OSBPL1A: variants seen among roughly 807,000 people sequenced by gnomAD.
OSBPL1A encodes the protein oxysterol-binding protein-related protein 1.
A neutral mutation model predicts 137.1 loss-of-function variants in OSBPL1A; 80 were observed. That is an observed-to-expected ratio of 0.58 (90% CI 0.49 to 0.70). The LOEUF is 0.70. Among genes scored for constraint, OSBPL1A ranks in the 30% least tolerant of loss-of-function variants. The pLI is 0.00. For missense variants in OSBPL1A, 970 were observed against 1,129.4 expected (o/e 0.86, Z 2.02); for synonymous variants, 365 against 389.7 (o/e 0.94, Z 0.75).
intron 15 of OSBPL1A, among the ~76,000 whole-genome samples, chr18:24,260,008 C>T (rs972467668): frequency 2.6e-5 from 4 of 151,990 alleles, no homozygotes; most frequent in African/African-American, 7.2e-5. Flanking sequence ...ACAAACAATC[C>T]AATTAAAAAA....
chr18:24,258,085 TA>T (rs2089335359), intron 15 of OSBPL1A, among the ~76,000 whole-genome samples: 1 of 152,028 alleles, frequency 6.6e-6, no homozygotes, highest in Non-Finnish European at 1.5e-5. Flanking sequence ...AACATAAAGC[TA>T]CCCCATACGA....
At chr18:24,346,547 T>A (rs1423793539) in intron 4 of OSBPL1A, among the ~76,000 whole-genome samples, 2 of 152,208 alleles carry the variant, frequency 1.3e-5, no homozygotes, top group Non-Finnish European at 2.9e-5. Context: ...TGGACATTTC[T>A]ATAAATAAAT....
At chr18:24,354,870 C>T (rs1417645481) in intron 4 of OSBPL1A, among the ~76,000 whole-genome samples, 1 of 150,738 alleles carries the variant, frequency 6.6e-6, no homozygotes, top group East Asian at 2.0e-4. Context: ...GTTTCCTTAA[C>T]TCTGCAGGTC....
rs374013952 is a variant in OSBPL1A at position 24,165,140 on chromosome 18, T to C, written c.2675A>G (p.Glu892Gly). 5 of 1,614,058 alleles carry C rather than the reference T, an allele frequency of 3.1e-6. No homozygotes were observed. The African/African-American group carries it at 4.0e-5, about 13-fold the overall frequency. The change falls in exon 27 of 28, where the codon GAA becomes GGA. Residue 892 changes from glutamate (E) to glycine (G), a missense_variant. By Grantham distance (98) the Glu-to-Gly change is moderately conservative. This residue lies in a region of OSBPL1A where 323 missense variants were observed against 456.8 expected (regional missense o/e 0.71). Transcript: ENST00000319481. ...ENGEIDQASEEKKRLEEKQRA... is the reference protein window; with the variant it reads ...ENGEIDQASEGKKRLEEKQRA... ...TTGTTTTTCCTCAAGTCGTTTTTTTTCTTCACTAGCTTGATCTAAAATAAG... is the reference window on the plus strand; with the variant it reads ...TTGTTTTTCCTCAAGTCGTTTTTTTCCTTCACTAGCTTGATCTAAAATAAG...
chr18:24,366,293 C>G (rs1441599480), intron 4 of OSBPL1A: 1 of 152,128 alleles, frequency 6.6e-6, no homozygotes, highest in African/African-American at 2.4e-5. Flanking sequence ...CTCCTAGAAC[C>G]CTGTCCTTTC....
At chr18:24,293,417 GTC>G (rs2090224754) in intron 14 of OSBPL1A, among the ~76,000 whole-genome samples, 1 of 152,144 alleles carries the variant, frequency 6.6e-6, no homozygotes, top group African/African-American at 2.4e-5. Context: ...CCCTCCGCAG[GTC>G]TCCCGACAGA....
chr18:24,234,453 T>C (rs963574304), intron 16 of OSBPL1A, among the ~76,000 whole-genome samples: 4 of 152,202 alleles, frequency 2.6e-5, no homozygotes, highest in Non-Finnish European at 5.9e-5. Flanking sequence ...AAAAAATCTG[T>C]GTGCTTTATG....
intron 4 of OSBPL1A, among the ~76,000 whole-genome samples, chr18:24,346,908 A>AT (rs111588736): frequency 0.62 from 86,510 of 140,486 alleles, 26,362 homozygotes; most frequent in East Asian, 0.83. Flanking sequence ...GTGCCTAGCT[A>AT]TTTTTTTTTT....
intron 15 of OSBPL1A, among the ~76,000 whole-genome samples, chr18:24,248,266 T>C (rs1323021636): frequency 6.6e-6 from 1 of 152,214 alleles, no homozygotes; most frequent in Non-Finnish European, 1.5e-5. Context: ...GGTGATGAAG[T>C]AAGAAGCCTC....
intron 5 of OSBPL1A, among the ~76,000 whole-genome samples, chr18:24,340,440 G>A (rs1384447642): frequency 2.6e-5 from 4 of 152,084 alleles, no homozygotes; most frequent in East Asian, 1.9e-4. Flanking sequence ...TTGGGAGGCC[G>A]AGATGGGAGG....
At chr18:24,391,621 T>TG (rs1466163402) in intron 1 of OSBPL1A, among the ~76,000 whole-genome samples, 1 of 150,972 alleles carries the variant, frequency 6.6e-6, no homozygotes, top group African/African-American at 2.4e-5. Context: ...TCCAGCTACT[T>TG]GGGAGGCTGA....
At chr18:24,260,837 C>CAAAAAAAAAAAAAAAAAAA (rs71373370) in intron 15 of OSBPL1A, among the ~76,000 whole-genome samples, 1 of 120,456 alleles carries the variant, frequency 8.3e-6, no homozygotes, top group Non-Finnish European at 1.7e-5. Context: ...TAAAAGAACT[C>CAAAAAAAAAAAAAAAAAAA]AAAAAAAAAA....
In OSBPL1A at chr18:24,317,161, T is replaced by C. The variant is rs1250058703; in HGVS notation, c.858A>G (p.Gln286=). 2 of 1,613,840 alleles carry C rather than the reference T, an allele frequency of 1.2e-6. No individual in the cohort carries two copies. The highest frequency in any genetic ancestry group is 3.3e-5 in the Admixed American group (2 of 59,968). The change falls in exon 11 of 28, where the codon CAA becomes CAG. Residue 286 remains glutamine (Q), a synonymous_variant. Transcript: ENST00000319481. The part of the protein sequence containing the change: ...IYRQGCKHLT[Q]AVCTVKSTDS... ...TGTTTCATCCTACCGTGCATACTGC[T>C]TGAGTCAGGTGTTTGCATCCCTGGC...
At chr18:24,199,855 G>A (rs1385018828) in intron 17 of OSBPL1A, among the ~76,000 whole-genome samples, 1 of 152,136 alleles carries the variant, frequency 6.6e-6, no homozygotes, top group Non-Finnish European at 1.5e-5. Flanking sequence ...GCTCGACCAA[G>A]GATGCTGCTA....
intron 17 of OSBPL1A, among the ~76,000 whole-genome samples, chr18:24,208,218 T>C (rs934858632): frequency 8.8e-5 from 13 of 148,170 alleles, no homozygotes; most frequent in African/African-American, 3.2e-4. Context: ...TTTAAAATTA[T>C]GTTAGAGAGT....
At chr18:24,283,302 A>ATATATATG (rs1259396315) in intron 14 of OSBPL1A, among the ~76,000 whole-genome samples, 1 of 95,142 alleles carries the variant, frequency 1.1e-5, no homozygotes, top group Admixed American at 1.0e-4. Context: ...ATATATATAT[A>ATATATATG]TGTATATATA....
intron 7 of OSBPL1A, among the ~76,000 whole-genome samples, chr18:24,331,284 G>A (rs1157796891): frequency 2.0e-5 from 3 of 152,210 alleles, no homozygotes; most frequent in Admixed American, 6.5e-5. Flanking sequence ...AGGCTCTGAT[G>A]GAGGTGAACG....
intron 12 of OSBPL1A, 77 bp from the exon 13 acceptor site, chr18:24,312,183 A>T: frequency 1.3e-6 from 2 of 1,539,806 alleles, no homozygotes; most frequent in African/African-American, 1.4e-5. Flanking sequence ...TGATCTGATA[A>T]GCATAAAATT....
chr18:24,212,293 C>T (rs972418981), intron 17 of OSBPL1A, among the ~76,000 whole-genome samples: 4 of 151,652 alleles, frequency 2.6e-5, no homozygotes, highest in African/African-American at 7.3e-5. Flanking sequence ...CTCCTGACCT[C>T]GTGATCCACC....
Sources: allele counts gnomAD v4.1 joint callset (sites outside exome capture counted in the v4.1 genomes callset), GRCh38; gene constraint gnomAD v4.1.1; regional missense constraint gnomAD v4.1.1; transcripts MANE v1.5; gene names NCBI Gene and HGNC (gene_info 2026-07-23, HGNC 2026-07-21).